COA1: variants seen among roughly 807,000 people sequenced by gnomAD.
COA1 encodes cytochrome c oxidase assembly factor 1 homolog.
A neutral mutation model predicts 16.0 loss-of-function variants in COA1; 13 were observed. The observed-to-expected ratio is 0.81, with a 90% CI of 0.53 to 1.29. The LOEUF is 1.29. COA1 is among the 50% of genes most tolerant of loss of function. The pLI is 0.00. For missense variants in COA1, 179 were observed against 177.0 expected (o/e 1.01, Z -0.06); for synonymous variants, 65 against 65.7 (o/e 0.99, Z 0.05).
Position 43,647,878 on chromosome 7 carries a change from C to A in COA1, c.16-244G>T, listed in dbSNP as rs1584365553. The A allele has an allele frequency of 9.7e-6, 5 of 513,564 alleles. No homozygotes were observed. In the East Asian group the frequency reaches 1.7e-4, roughly 17 times the overall value. 31.8% of individuals were successfully genotyped at this position (513,564 alleles called of 1,614,324 possible). A position where few individuals can be genotyped will look rare whatever the true frequency, so the allele number is the denominator to read the frequency against. ...GACCCATGCTGTGGGGGCCCTGCCA[C>A]CCCCAGCCAGCCCAGCACAGAGCGA... On this transcript the variant is annotated intron_variant, in intron 2 of 5. Coordinates refer to ENST00000223336, the MANE Select transcript of COA1 (RefSeq NM_018224.4).
intron 3 of COA1, chr7:43,646,544 C>A (rs570902993): frequency 2.2e-6 from 1 of 456,494 alleles, no homozygotes; most frequent in Non-Finnish European, 4.4e-6. Context: ...CCCAGGCAGT[C>A]GGCTGCAGTG....
chr7:43,644,793 GAGAGAC>G (rs1563229906), intron 4 of COA1, among the ~76,000 whole-genome samples: 2 of 123,726 alleles, frequency 1.6e-5, no homozygotes, highest in African/African-American at 6.9e-5. Context: ...CAGGCAGGCA[GAGAGAC>G]AGAGAGAGAG....
chr7:43,696,365 CAT>C (rs926837230), intron 1 of COA1, among the ~76,000 whole-genome samples: 1 of 152,196 alleles, frequency 6.6e-6, no homozygotes, highest in Non-Finnish European at 1.5e-5. Context: ...CCGCCATTGA[CAT>C]ATGCGGAATA....
At chr7:43,617,113 G>C (rs568722080) in intron 6 of COA1, among the ~76,000 whole-genome samples, 1 of 152,288 alleles carries the variant, frequency 6.6e-6, no homozygotes, top group African/African-American at 2.4e-5. Flanking sequence ...AGACTGGAAA[G>C]TGTCCCGTGG....
At chr7:43,672,019 C>T (rs906296850) in intron 1 of COA1, among the ~76,000 whole-genome samples, 4 of 152,108 alleles carry the variant, frequency 2.6e-5, no homozygotes, top group Non-Finnish European at 4.4e-5. Context: ...GACTAATACA[C>T]TATGCATCCA....
chr7:43,692,145 G>A (rs1288481010), intron 1 of COA1, among the ~76,000 whole-genome samples: 1 of 152,158 alleles, frequency 6.6e-6, no homozygotes, highest in Non-Finnish European at 1.5e-5. Context: ...CCTCTGTGAT[G>A]GGCCTGCTAG....
chr7:43,622,580 G>A (rs1244440018), intron 6 of COA1: 1 of 151,934 alleles, frequency 6.6e-6, no homozygotes, highest in Non-Finnish European at 1.5e-5. Flanking sequence ...TAAGTGGATT[G>A]TGAGTAGATT....
intron 1 of COA1, among the ~76,000 whole-genome samples, chr7:43,669,898 T>G (rs2093150830): frequency 6.6e-6 from 1 of 152,038 alleles, no homozygotes; most frequent in Non-Finnish European, 1.5e-5. Context: ...AGGTGCTCAG[T>G]GACTCATTAT....
chr7:43,669,886 A>T (rs1027614585), intron 1 of COA1, among the ~76,000 whole-genome samples: 1 of 152,112 alleles, frequency 6.6e-6, no homozygotes, highest in Non-Finnish European at 1.5e-5. Context: ...AACAGATGAG[A>T]GAGGTGCTCA....
chr7:43,635,017 G>C (rs1478093295), downstream of COA1, among the ~76,000 whole-genome samples: 3 of 152,176 alleles, frequency 2.0e-5, no homozygotes, highest in African/African-American at 2.4e-5. Context: ...GCACTTAGTG[G>C]AGGAATAGCG....
intron 1 of COA1, among the ~76,000 whole-genome samples, chr7:43,714,773 C>A (rs960858938): frequency 6.6e-6 from 1 of 151,756 alleles, no homozygotes; most frequent in South Asian, 2.1e-4. Context: ...TTTGGGAAAC[C>A]AATGCAGATG....
intron 1 of COA1, among the ~76,000 whole-genome samples, chr7:43,705,369 C>T (rs933527382): frequency 5.9e-5 from 9 of 152,192 alleles, no homozygotes; most frequent in East Asian, 3.8e-4. Context: ...GGAAGGCTAC[C>T]GGCAGGTGCA....
intron 6 of COA1, chr7:43,631,995 A>G (rs1274800557): frequency 6.6e-6 from 1 of 152,226 alleles, no homozygotes; most frequent in East Asian, 1.9e-4. Flanking sequence ...CAGTTTCTTA[A>G]AGTAAGACAA....
At chr7:43,675,403 G>A (rs1420524419) in intron 1 of COA1, among the ~76,000 whole-genome samples, 2 of 151,966 alleles carry the variant, frequency 1.3e-5, no homozygotes, top group African/African-American at 4.8e-5. Context: ...GACACAGGAA[G>A]GGGAACATCA....
At chr7:43,726,546 C>T (rs2095620943) in intron 1 of COA1, among the ~76,000 whole-genome samples, 1 of 152,202 alleles carries the variant, frequency 6.6e-6, no homozygotes, top group Non-Finnish European at 1.5e-5. Flanking sequence ...AGACAAAACT[C>T]CATACGGAAT....
rs573692857 is a variant in COA1, at chr7:43,725,764, C to T, written c.-39+3665G>A. On this transcript the variant is annotated intron_variant, in intron 1 of 5. Coordinates refer to ENST00000223336, the MANE Select transcript of COA1 (RefSeq NM_018224.4). The stretch of plus-strand genomic sequence containing the variant: ...ATCTCAGCTACTCAGGAGGCTGGGG[C>T]AGGAGAATCACTTGAACCCAGGAGG... Among the ~76,000 whole-genome samples the T allele has an allele frequency of 2.0e-5, 3 of 152,072 alleles. No homozygotes were observed. The East Asian group carries it at 5.8e-4, about 29-fold the overall frequency.
At chr7:43,661,694 C>A (rs2092450797) in intron 1 of COA1, among the ~76,000 whole-genome samples, 1 of 151,604 alleles carries the variant, frequency 6.6e-6, no homozygotes, top group Non-Finnish European at 1.5e-5. Context: ...AGATCACAAT[C>A]CAGGGTTTCT....
intron 1 of COA1, among the ~76,000 whole-genome samples, chr7:43,672,622 T>G (rs1350374537): frequency 6.6e-6 from 1 of 151,970 alleles, no homozygotes; most frequent in Non-Finnish European, 1.5e-5. Context: ...ATACAAAAAT[T>G]AGCTGGGCAT....
chr7:43,632,958 T>C (rs62461081), intron 6 of COA1: 3 of 152,350 alleles, frequency 2.0e-5, no homozygotes, highest in Non-Finnish European at 4.4e-5. Context: ...GTTGTTGCGT[T>C]TATACAGCAT....
Sources: allele counts gnomAD v4.1 joint callset (sites outside exome capture counted in the v4.1 genomes callset), GRCh38; gene constraint gnomAD v4.1.1; transcripts MANE v1.5; gene names NCBI Gene and HGNC (gene_info 2026-07-23, HGNC 2026-07-21).